The following NCALD variants were observed in gnomAD, a reference collection of about 807,000 sequenced individuals.
The protein encoded by NCALD is neurocalcin-delta.
A neutral mutation model predicts 18.6 loss-of-function variants in NCALD; 10 were observed. The ratio of observed to expected loss-of-function variants is 0.54; its 90% CI spans 0.33 to 0.91. The LOEUF (loss-of-function observed/expected upper bound fraction) is 0.91. Ranked by LOEUF, NCALD falls within the 40% of genes least tolerant of loss-of-function variation. The pLI is 0.03. For synonymous variants in NCALD, 88 were observed against 87.4 expected (o/e 1.01, Z -0.04); for missense variants, 184 against 247.6 (o/e 0.74, Z 1.72).
intron 2 of NCALD, among the ~76,000 whole-genome samples, chr8:101,993,709 G>C (rs1586888054): frequency 1.3e-5 from 2 of 152,150 alleles, no homozygotes; most frequent in East Asian, 3.8e-4. Flanking sequence ...CATTGTGTTT[G>C]GGACATACTG....
intron 2 of NCALD, among the ~76,000 whole-genome samples, chr8:101,962,803 A>AT (rs1727912790): frequency 2.0e-5 from 3 of 152,238 alleles, no homozygotes. Flanking sequence ...TTTGTTTCTC[A>AT]TAGAGCAATA....
At chr8:102,039,097 T>C (rs980372143) in intron 1 of NCALD, among the ~76,000 whole-genome samples, 3 of 152,124 alleles carry the variant, frequency 2.0e-5, no homozygotes, top group Non-Finnish European at 2.9e-5. Context: ...AACCAGTAAG[T>C]TGCAAAGAGG....
chr8:101,868,990 G>T (rs1277297992), intron 4 of NCALD, among the ~76,000 whole-genome samples: 1 of 152,192 alleles, frequency 6.6e-6, no homozygotes, highest in South Asian at 2.1e-4. Context: ...CCACTCCTAG[G>T]ACCTGTGTGA....
intron 4 of NCALD, among the ~76,000 whole-genome samples, chr8:101,853,602 A>T (rs1020495657): frequency 6.6e-6 from 1 of 152,234 alleles, no homozygotes; most frequent in Non-Finnish European, 1.5e-5. Context: ...CCCTGTGGAC[A>T]AGAAGAAACA....
chr8:101,838,047 GA>G (rs1447388364), intron 4 of NCALD, among the ~76,000 whole-genome samples: 1 of 152,164 alleles, frequency 6.6e-6, no homozygotes, highest in East Asian at 1.9e-4. Flanking sequence ...ACAGGGTAGA[GA>G]AAAGACAGAC....
chr8:101,971,250 G>A (rs907685656), intron 2 of NCALD, among the ~76,000 whole-genome samples: 1 of 151,998 alleles, frequency 6.6e-6, no homozygotes, highest in African/African-American at 2.4e-5. Context: ...GTGTATCGTG[G>A]TCTTCAGCTT....
At chr8:102,062,701 C>A (rs1463500358) in intron 1 of NCALD, among the ~76,000 whole-genome samples, 1 of 152,216 alleles carries the variant, frequency 6.6e-6, no homozygotes, top group Non-Finnish European at 1.5e-5. Context: ...TTCAGATAGG[C>A]TCTACATGTC....
intron 1 of NCALD, among the ~76,000 whole-genome samples, chr8:102,041,535 C>T (rs1238163745): frequency 2.0e-5 from 3 of 152,182 alleles, no homozygotes; most frequent in African/African-American, 4.8e-5. Context: ...ACAGAATGGC[C>T]CAACACAACC....
At chr8:102,065,010 CAAAAAA>C (rs34548051) in intron 1 of NCALD, among the ~76,000 whole-genome samples, 67 of 87,560 alleles carry the variant, frequency 7.7e-4, no homozygotes, top group South Asian at 9.8e-4. Flanking sequence ...CTCACTTTGG[CAAAAAA>C]AAAAAAAAAA....
chr8:101,717,086 C>T (rs982124092), intron 2 of NCALD, among the ~76,000 whole-genome samples: 4 of 152,330 alleles, frequency 2.6e-5, no homozygotes, highest in Middle Eastern at 3.4e-3. Context: ...TTTTAAGCTA[C>T]TGGCTTTCTG....
At chr8:101,849,569 C>G (rs140602964) in intron 4 of NCALD, among the ~76,000 whole-genome samples, 2 of 151,970 alleles carry the variant, frequency 1.3e-5, no homozygotes, top group African/African-American at 4.8e-5. Flanking sequence ...CCCATTTTTC[C>G]GATAGGAAAC....
intron 1 of NCALD, among the ~76,000 whole-genome samples, chr8:101,742,309 T>A (rs1810237765): frequency 6.6e-6 from 1 of 152,172 alleles, no homozygotes; most frequent in Non-Finnish European, 1.5e-5. Flanking sequence ...GGAAGGATGC[T>A]ATATGTAAGT....
At chr8:101,725,693 T>C (rs1586314981) in intron 1 of NCALD, among the ~76,000 whole-genome samples, 2 of 152,324 alleles carry the variant, frequency 1.3e-5, no homozygotes, top group East Asian at 3.9e-4. Context: ...CCTTCTTGCC[T>C]GCATGCTCCC....
chr8:101,712,237 A>G (rs114391462), intron 2 of NCALD, among the ~76,000 whole-genome samples: 3,899 of 151,960 alleles, frequency 0.026, 133 homozygotes, highest in African/African-American at 0.078. Context: ...ACCACCAGCC[A>G]TACAAGAGTT....
chr8:101,745,838 C>G (rs1220728623), intron 1 of NCALD: 1 of 152,222 alleles, frequency 6.6e-6, no homozygotes, highest in Non-Finnish European at 1.5e-5. Flanking sequence ...CACCTCACTT[C>G]ACAGATGAGG....
intron 1 of NCALD, among the ~76,000 whole-genome samples, chr8:102,061,600 T>C (rs1823851272): frequency 6.6e-6 from 1 of 152,076 alleles, no homozygotes; most frequent in African/African-American, 2.4e-5. Flanking sequence ...AAATAAGAAA[T>C]GTGAAATTTT....
chr8:102,118,462 C>A (rs1388558910), intron 1 of NCALD, among the ~76,000 whole-genome samples: 1 of 152,234 alleles, frequency 6.6e-6, no homozygotes, highest in Non-Finnish European at 1.5e-5. Flanking sequence ...TTATGGGATG[C>A]TGGAGGAGGA....
At chr8:102,009,695 C>T (rs1821837865) in intron 2 of NCALD, among the ~76,000 whole-genome samples, 1 of 152,210 alleles carries the variant, frequency 6.6e-6, no homozygotes, top group Non-Finnish European at 1.5e-5. Flanking sequence ...TTTTTATTCT[C>T]AGCCTGCAAG....
chr8:101,943,126 G>A (rs186726787), intron 2 of NCALD, among the ~76,000 whole-genome samples: 21 of 152,270 alleles, frequency 1.4e-4, no homozygotes, highest in African/African-American at 5.1e-4. Context: ...TTCTGGCATT[G>A]AGAAATGGTT....
Sources: allele counts gnomAD v4.1 joint callset (sites outside exome capture counted in the v4.1 genomes callset), GRCh38; gene constraint gnomAD v4.1.1; transcripts MANE v1.5; gene names NCBI Gene and HGNC (gene_info 2026-07-23, HGNC 2026-07-21).